CHMP3: variants seen among roughly 807,000 people sequenced by gnomAD.
The protein encoded by CHMP3 is charged multivesicular body protein 3.
A neutral mutation model predicts 27.4 loss-of-function variants in CHMP3; 8 were observed. The ratio of observed to expected loss-of-function variants is 0.29; its 90% CI spans 0.17 to 0.53. CHMP3 has a LOEUF of 0.53. Among genes scored for constraint, CHMP3 ranks in the 20% least tolerant of loss-of-function variants. The pLI is 0.96. For missense variants in CHMP3, 208 were observed against 271.5 expected, an observed-to-expected ratio of 0.77 and a Z score of 1.64; for synonymous variants, 86 against 85.5, an observed-to-expected ratio of 1.01 and a Z score of -0.03.
At chr2:86,538,185 T>A (rs1233911859) in intron 2 of CHMP3, among the ~76,000 whole-genome samples, 4 of 152,196 alleles carry the variant, frequency 2.6e-5, no homozygotes, top group Non-Finnish European at 5.9e-5. Flanking sequence ...ACAAAAATTA[T>A]TTGATTCTAC....
chr2:86,542,283 CTTTCT>C lies in CHMP3; in HGVS notation c.70_74del (p.Arg24GlyfsTer6). The stretch of plus-strand genomic sequence containing the variant: ...TTTGCCTGTCAACAACTCTCATTTC[CTTTCT>C]TATCTTCAATGACCACTCATTGACC... On this transcript the variant is annotated frameshift_variant, in exon 2 of 6. Coordinates refer to ENST00000263856, the MANE Select transcript of CHMP3 (RefSeq NM_016079.4). LOFTEE classifies it high-confidence loss of function. The C allele has an allele frequency of 6.2e-7, 1 of 1,613,388 alleles. No individual in the cohort carries two copies. Among genetic ancestry groups the C allele is most frequent in the Non-Finnish European group, 8.5e-7 (1 of 1,179,560 alleles).
intron 4 of CHMP3, among the ~76,000 whole-genome samples, chr2:86,508,431 C>A (rs1358033122): frequency 6.6e-6 from 1 of 152,192 alleles, no homozygotes; most frequent in Non-Finnish European, 1.5e-5. Context: ...GAACAGCAAC[C>A]TCCAAAGTCA....
intron 1 of CHMP3, 150 bp from the exon 2 acceptor site, chr2:86,542,462 T>C: frequency 1.4e-6 from 1 of 702,898 alleles, no homozygotes; most frequent in South Asian, 1.9e-5. Context: ...CAAATTTTAC[T>C]TTTTTTTAAT....
At chr2:86,561,023 C>T (rs1367323938) in intron 1 of CHMP3, among the ~76,000 whole-genome samples, 1 of 152,186 alleles carries the variant, frequency 6.6e-6, no homozygotes, top group East Asian at 1.9e-4. Flanking sequence ...CTGGGGATGA[C>T]AATTTGACAT....
chr2:86,528,174 G>T (rs1675787953), intron 3 of CHMP3, among the ~76,000 whole-genome samples: 1 of 152,040 alleles, frequency 6.6e-6, no homozygotes, highest in African/African-American at 2.4e-5. Context: ...AATACCTTCA[G>T]AACGAAATAC....
intron 1 of CHMP3, among the ~76,000 whole-genome samples, chr2:86,552,368 A>C (rs1676941536): frequency 6.6e-6 from 1 of 152,240 alleles, no homozygotes; most frequent in Admixed American, 6.5e-5. Flanking sequence ...AAGGTAACCA[A>C]ATAGCCCCAG....
intron 5 of CHMP3, 32 bp downstream of exon 5, chr2:86,507,447 G>T: frequency 6.3e-7 from 1 of 1,590,480 alleles, no homozygotes; most frequent in Non-Finnish European, 8.6e-7. Flanking sequence ...GCCATAAAAA[G>T]AGAGGAGAAA....
chr2:86,526,373 A>G (rs527916906), intron 3 of CHMP3, among the ~76,000 whole-genome samples: 24 of 152,316 alleles, frequency 1.6e-4, no homozygotes, highest in Non-Finnish European at 2.6e-4. Flanking sequence ...AAAGTCTGAC[A>G]ATACCAAGTC....
At chr2:86,537,094 G>A (rs1260891204) in intron 2 of CHMP3, among the ~76,000 whole-genome samples, 1 of 151,968 alleles carries the variant, frequency 6.6e-6, no homozygotes, top group African/African-American at 2.4e-5. Context: ...CAAACTCCTG[G>A]CCTCAAGCAA....
chr2:86,510,277 CA>C, intron 4 of CHMP3, 80 bp downstream of exon 4: 6 of 1,118,934 alleles, frequency 5.4e-6, no homozygotes, highest in Middle Eastern at 2.5e-4. Flanking sequence ...CATCCCCACC[CA>C]CCCTCATCCC....
At chr2:86,539,663 T>C (rs1353060791) in intron 2 of CHMP3, among the ~76,000 whole-genome samples, 2 of 152,152 alleles carry the variant, frequency 1.3e-5, no homozygotes, top group African/African-American at 2.4e-5. Context: ...CACTGATCAA[T>C]TATTATCATT....
intron 1 of CHMP3, among the ~76,000 whole-genome samples, chr2:86,548,149 T>C (rs1301394764): frequency 6.6e-6 from 1 of 151,762 alleles, no homozygotes; most frequent in Non-Finnish European, 1.5e-5. Flanking sequence ...GGAGAATACA[T>C]TTATGATTTC....
chr2:86,532,530 C>CTA (rs1408911830), intron 2 of CHMP3, among the ~76,000 whole-genome samples: 1 of 152,022 alleles, frequency 6.6e-6, no homozygotes, highest in Non-Finnish European at 1.5e-5. Flanking sequence ...AGACGAAAAG[C>CTA]TTTTAGTCTT....
At position 86,505,737 on chromosome 2, in the gene CHMP3, T is replaced by C. The variant is rs1370785438; in HGVS notation, c.*67A>G. ...GGTAGTCCTCACAACAGAGGTGTAG[T>C]GCAAGAGACACATAAAATGGCAGCT... is the stretch of plus-strand genomic sequence containing the variant. On this transcript the variant is annotated 3_prime_UTR_variant, in exon 6 of 6. Coordinates refer to ENST00000263856, the MANE Select transcript of CHMP3 (RefSeq NM_016079.4). 16 of 1,416,558 alleles carry C rather than the reference T, an allele frequency of 1.1e-5. No individual in the cohort carries two copies. The highest frequency in any genetic ancestry group is 1.5e-5 in the Non-Finnish European group (16 of 1,075,954). The allele number at this position is 1,416,558 out of a possible 1,614,324, so 87.7% of individuals were successfully genotyped here. A position where few individuals can be genotyped will look rare whatever the true frequency, so the allele number is the denominator to read the frequency against.
intron 1 of CHMP3, among the ~76,000 whole-genome samples, chr2:86,544,799 CTTTTT>C (rs1438190337): frequency 6.6e-6 from 1 of 152,216 alleles, no homozygotes; most frequent in African/African-American, 2.4e-5. Context: ...TGCCCCTTTT[CTTTTT>C]GACAAAACTG....
intron 2 of CHMP3, among the ~76,000 whole-genome samples, chr2:86,536,842 G>A (rs1016781906): frequency 6.6e-6 from 1 of 151,760 alleles, no homozygotes; most frequent in Non-Finnish European, 1.5e-5. Flanking sequence ...ATGCATGTTG[G>A]TCTACTTGAT....
chr2:86,535,994 CTTTT>C (rs60555193), intron 2 of CHMP3, among the ~76,000 whole-genome samples: 2 of 111,542 alleles, frequency 1.8e-5, no homozygotes, highest in Non-Finnish European at 3.4e-5. Flanking sequence ...ATAAACCTTT[CTTTT>C]TTTTTTTTTT....
chr2:86,560,703 AT>A (rs1276229905), intron 1 of CHMP3, among the ~76,000 whole-genome samples: 2 of 150,382 alleles, frequency 1.3e-5, no homozygotes, highest in African/African-American at 5.0e-5. Context: ...TTAAAGTATA[AT>A]TTAAAAAAAA....
chr2:86,538,298 G>C lies in CHMP3; in HGVS notation c.106+3954C>G, dbSNP rs938084203. Among the ~76,000 whole-genome samples, 4 of 152,300 alleles carry C rather than the reference G, an allele frequency of 2.6e-5. No homozygotes were observed. The South Asian group carries it at 8.3e-4, about 32-fold the overall frequency. ...AGAAATAGGAAGTTATTGTTTAATA[G>C]GTACAGAGTTTCAGTATGGATGAGG... On this transcript the variant is annotated intron_variant, in intron 2 of 5. Coordinates refer to ENST00000263856, the MANE Select transcript of CHMP3 (RefSeq NM_016079.4).
Sources: gnomAD v4.1 joint callset for allele counts (sites outside exome capture counted in the v4.1 genomes callset) on GRCh38, gnomAD v4.1.1 for gene constraint, MANE v1.5 for transcripts, NCBI Gene and HGNC (gene_info 2026-07-23, HGNC 2026-07-21) for gene names.